The following TMEM135 variants were observed in gnomAD, a reference collection of about 807,000 sequenced individuals.
TMEM135 encodes the protein transmembrane protein 135.
In TMEM135, 30 loss-of-function variants were observed where a neutral mutation model predicts 60.3. The observed-to-expected ratio is 0.50, with a 90% confidence interval of 0.37 to 0.68. The LOEUF (loss-of-function observed/expected upper bound fraction) is 0.68, where lower values mean the gene tolerates loss of function less well. Ranked by LOEUF, TMEM135 falls within the 30% of genes least tolerant of loss-of-function variation. TMEM135 has a pLI of 0.00. For missense variants in TMEM135, 468 were observed against 548.8 expected, an observed-to-expected ratio of 0.85 and a Z score of 1.47; for synonymous variants, 190 against 186.7, an observed-to-expected ratio of 1.02 and a Z score of -0.14.
At chr11:87,060,849 A>G (rs868038825) in intron 1 of TMEM135, among the ~76,000 whole-genome samples, 30 of 152,086 alleles carry the variant, frequency 2.0e-4, no homozygotes, top group African/African-American at 6.5e-4. Context: ...TCACTGTGTT[A>G]GCCGGGGTGG....
chr11:87,253,206 T>A (rs1233805999), intron 6 of TMEM135, among the ~76,000 whole-genome samples: 1 of 152,122 alleles, frequency 6.6e-6, no homozygotes, highest in Non-Finnish European at 1.5e-5. Flanking sequence ...CTGTCAGTCT[T>A]TGAGGTAGTT....
intron 5 of TMEM135, among the ~76,000 whole-genome samples, chr11:87,176,182 C>T (rs181377105): frequency 6.6e-6 from 1 of 152,196 alleles, no homozygotes; most frequent in African/African-American, 2.4e-5. Context: ...TTATCAATGA[C>T]TTGGTGCCTT....
At chr11:87,142,054 A>C (rs1330201011) in intron 4 of TMEM135, among the ~76,000 whole-genome samples, 1 of 152,178 alleles carries the variant, frequency 6.6e-6, no homozygotes, top group Non-Finnish European at 1.5e-5. Flanking sequence ...CTCCTCCCCA[A>C]ACCCCCTCAG....
At chr11:87,190,400 A>T (rs1939771089) in intron 5 of TMEM135, among the ~76,000 whole-genome samples, 1 of 152,194 alleles carries the variant, frequency 6.6e-6, no homozygotes, top group Non-Finnish European at 1.5e-5. Context: ...ATTTTAAACA[A>T]GAATCAAGCA....
chr11:87,269,140 T>TA (rs78844112), intron 6 of TMEM135, among the ~76,000 whole-genome samples: 139 of 151,640 alleles, frequency 9.2e-4, no homozygotes, highest in African/African-American at 3.2e-3. Context: ...ATTCTTTTTT[T>TA]ATTATAGTCT....
intron 5 of TMEM135, among the ~76,000 whole-genome samples, chr11:87,214,366 A>G (rs779780597): frequency 6.6e-6 from 1 of 152,132 alleles, no homozygotes; most frequent in Non-Finnish European, 1.5e-5. Context: ...AGTCTTTACT[A>G]TTACAGCAGT....
In TMEM135 at chr11:87,328,315, T is replaced by G; in HGVS notation, c.*6982T>G. 2.2e-6 allele frequency: 1 copy of G among 454,112 alleles called. No individual in the cohort carries two copies. The highest frequency in any genetic ancestry group is 4.4e-6 in the Non-Finnish European group (1 of 226,794). 28.1% of individuals were successfully genotyped at this position (454,112 alleles called of 1,614,324 possible). A position where few individuals can be genotyped will look rare whatever the true frequency, so the allele number is the denominator to read the frequency against. ...AGGTTTTGCTCATCTTTAAAAAATC[T>G]TAGTTGATTATGTTTTATGTGTCAT... On this transcript the variant is annotated 3_prime_UTR_variant, in exon 15 of 15. Coordinates refer to ENST00000305494, the MANE Select transcript of TMEM135 (RefSeq NM_022918.4).
At position 87,324,704 on chromosome 11, in the gene TMEM135, T is replaced by C. The variant is rs1445472023; in HGVS notation, c.*3371T>C. 1 of 453,972 alleles carries C rather than the reference T, an allele frequency of 2.2e-6. No individual in the cohort carries two copies. Among genetic ancestry groups the C allele is most frequent in the Admixed American group, 2.3e-5 (1 of 42,564 alleles). The allele number at this position is 453,972 out of a possible 1,614,324, so 28.1% of individuals were successfully genotyped here. ...GGTTGGCCTCCCGGGACTCTGGGAT[T>C]CCAGGTGTGAGCCACGGTACCTAGC... On this transcript the variant is annotated 3_prime_UTR_variant, in exon 15 of 15. Coordinates refer to ENST00000305494, the MANE Select transcript of TMEM135 (RefSeq NM_022918.4).
chr11:87,039,955 A>T (rs886440465), intron 1 of TMEM135, among the ~76,000 whole-genome samples: 1 of 152,218 alleles, frequency 6.6e-6, no homozygotes, highest in African/African-American at 2.4e-5. Context: ...CCAACAAGGT[A>T]GGTTGGGGGT....
At chr11:87,063,181 T>C (rs1949966306) in intron 1 of TMEM135, among the ~76,000 whole-genome samples, 1 of 152,248 alleles carries the variant, frequency 6.6e-6, no homozygotes, top group Non-Finnish European at 1.5e-5. Flanking sequence ...TCATTACAAA[T>C]TATTTTTTGG....
At chr11:87,273,163 G>A (rs139078233) in intron 6 of TMEM135, among the ~76,000 whole-genome samples, 1 of 152,224 alleles carries the variant, frequency 6.6e-6, no homozygotes, top group East Asian at 1.9e-4. Flanking sequence ...TAGAATGTAG[G>A]ATTTAGATTA....
chr11:87,043,374 A>G (rs1308346006), intron 1 of TMEM135, among the ~76,000 whole-genome samples: 4 of 152,106 alleles, frequency 2.6e-5, no homozygotes, highest in Non-Finnish European at 5.9e-5. Context: ...AATGTTAGTT[A>G]TTGCTACATA....
intron 5 of TMEM135, among the ~76,000 whole-genome samples, chr11:87,184,881 G>A (rs535232171): frequency 6.6e-6 from 1 of 152,136 alleles, no homozygotes; most frequent in East Asian, 1.9e-4. Context: ...CAAACATCCT[G>A]TTTGCTAAAT....
chr11:87,198,685 A>C (rs1591097242), intron 5 of TMEM135, among the ~76,000 whole-genome samples: 3 of 142,112 alleles, frequency 2.1e-5, no homozygotes, highest in East Asian at 2.0e-4. Context: ...ACTTCCTCCA[A>C]TTTCTTCCCT....
intron 4 of TMEM135, among the ~76,000 whole-genome samples, chr11:87,137,299 G>A (rs577382792): frequency 1.1e-4 from 17 of 152,044 alleles, no homozygotes; most frequent in South Asian, 4.1e-4. Context: ...TGAGGAATGG[G>A]AATACTATTA....
At chr11:87,185,913 C>CTTTTTTTTTTTTTTTTTTTTTT (rs367985910) in intron 5 of TMEM135, among the ~76,000 whole-genome samples, 1 of 138,846 alleles carries the variant, frequency 7.2e-6, no homozygotes. Flanking sequence ...AGTTATCCTT[C>CTTTTTTTTTTTTTTTTTTTTTT]TTTTTTTTTT....
intron 10 of TMEM135, among the ~76,000 whole-genome samples, chr11:87,311,691 C>T (rs569043988): frequency 1.6e-3 from 246 of 152,044 alleles, no homozygotes; most frequent in African/African-American, 5.7e-3. Context: ...GAAATATTCA[C>T]GTGGTGTGTT....
intron 5 of TMEM135, among the ~76,000 whole-genome samples, chr11:87,215,672 G>A (rs1015249817): frequency 2.6e-5 from 4 of 152,168 alleles, no homozygotes; most frequent in Non-Finnish European, 5.9e-5. Context: ...GAAGGATGGG[G>A]AACTTACCTC....
chr11:87,071,250 T>C (rs1856768699), intron 2 of TMEM135, among the ~76,000 whole-genome samples: 2 of 152,158 alleles, frequency 1.3e-5, no homozygotes, highest in African/African-American at 4.8e-5. Context: ...AATAATTTAA[T>C]ATGTGGGGTA....
Sources: gnomAD v4.1 joint callset for allele counts (sites outside exome capture counted in the v4.1 genomes callset) on GRCh38, gnomAD v4.1.1 for gene constraint, MANE v1.5 for transcripts, NCBI Gene and HGNC (gene_info 2026-07-23, HGNC 2026-07-21) for gene names.